Variants in LRRTM3 observed in about 807,000 individuals in gnomAD.
LRRTM3 encodes leucine-rich repeat transmembrane neuronal protein 3.
A neutral mutation model predicts 44.7 loss-of-function variants in LRRTM3; 24 were observed. The observed-to-expected ratio is 0.54, with a 90% CI of 0.39 to 0.76. LRRTM3 has a LOEUF of 0.76. Ranked by LOEUF, LRRTM3 falls within the 30% of genes least tolerant of loss-of-function variation. The pLI is 0.00. For missense variants in LRRTM3, 587 were observed against 702.2 expected (o/e 0.84, Z 1.85); for synonymous variants, 277 against 278.7 (o/e 0.99, Z 0.06).
chr10:67,013,138 G>A (rs1852445077), intron 2 of LRRTM3: 1 of 152,088 alleles, frequency 6.6e-6, no homozygotes, highest in African/African-American at 2.4e-5. Context: ...AAGGCTCAGA[G>A]AAGTTAGGTG....
In LRRTM3 at chr10:66,927,116, C is replaced by T. The variant is rs1257766199; in HGVS notation, c.200C>T (p.Ser67Phe). Reference protein sequence around the residue: ...SSISAGCLGLSLRYNSLQKLK... With the variant: ...SSISAGCLGLFLRYNSLQKLK... ...ATATCTGCTGGTTGCTTAGGTTTGT[C>T]CCTTCGCTATAACAGCCTTCAAAAA... The change falls in exon 2 of 3, where the codon TCC becomes TTC. Residue 67 changes from serine (S) to phenylalanine (F), a missense_variant. By Grantham distance (155) the Ser-to-Phe change is radical. This residue lies in a region of LRRTM3 where 222 missense variants were observed against 323.3 expected (regional missense o/e 0.69). Coordinates refer to ENST00000361320, the MANE Select transcript of LRRTM3 (RefSeq NM_178011.5). This position sits in a 1 kb window ranked among gnomAD's most constrained non-coding sequence, Gnocchi z 4.7. 6.2e-7 allele frequency: 1 copy of T among 1,614,140 alleles called. No individual in the cohort carries two copies. The highest frequency in any genetic ancestry group is 1.1e-5 in the South Asian group (1 of 91,086).
chr10:67,052,009 C>A (rs1387788939), intron 2 of LRRTM3, among the ~76,000 whole-genome samples: 2 of 152,120 alleles, frequency 1.3e-5, no homozygotes, highest in African/African-American at 4.8e-5. Flanking sequence ...CCCACCTCAG[C>A]CTCCCAAAGT....
At chr10:67,017,958 G>C (rs912270904) in intron 2 of LRRTM3, among the ~76,000 whole-genome samples, 9 of 152,056 alleles carry the variant, frequency 5.9e-5, no homozygotes, top group Admixed American at 2.0e-4. Flanking sequence ...TTTAAGTTGA[G>C]ATGGGGTTTC....
rs531520277 is a variant in LRRTM3 at position 66,937,890 on chromosome 10, G to GT, written c.1536+9446dup. On this transcript the variant is annotated intron_variant, in intron 2 of 2. Coordinates refer to ENST00000361320, the MANE Select transcript of LRRTM3 (RefSeq NM_178011.5). ...TTAATCTTTTCCTTCCCTCTTTTCT[G>GT]TTTTTTTTCCCCCTCTCCCAGAGAC... 1.4e-4 allele frequency among the ~76,000 whole-genome samples: 21 copies of GT among 151,560 alleles called. No homozygotes were observed. In the South Asian group the frequency reaches 1.9e-3, roughly 14 times the overall value.
At chr10:66,968,932 G>T (rs1177747584) in intron 2 of LRRTM3, among the ~76,000 whole-genome samples, 2 of 151,998 alleles carry the variant, frequency 1.3e-5, no homozygotes, top group Non-Finnish European at 2.9e-5. Context: ...CAGGAGAATT[G>T]CTTGAACCCA....
At chr10:66,999,408 A>C (rs978826173) in intron 2 of LRRTM3, among the ~76,000 whole-genome samples, 3 of 152,186 alleles carry the variant, frequency 2.0e-5, no homozygotes, top group African/African-American at 7.2e-5. Flanking sequence ...ATAGGTAAGC[A>C]TCTAATAATT....
chr10:67,083,076 AG>A (rs1198814754), intron 2 of LRRTM3, among the ~76,000 whole-genome samples: 2 of 152,156 alleles, frequency 1.3e-5, no homozygotes, highest in African/African-American at 4.8e-5. Context: ...AAGTGTGATC[AG>A]GGGACCAGTG....
intron 2 of LRRTM3, among the ~76,000 whole-genome samples, chr10:67,094,395 A>G (rs1303139340): frequency 1.3e-5 from 2 of 151,870 alleles, no homozygotes; most frequent in African/African-American, 2.4e-5. Flanking sequence ...TTTTCATTCT[A>G]CATATTTTAA....
chr10:67,001,421 A>C (rs1218317087), intron 2 of LRRTM3, among the ~76,000 whole-genome samples: 2 of 152,026 alleles, frequency 1.3e-5, no homozygotes, highest in Non-Finnish European at 2.9e-5. Flanking sequence ...CCTAAAACCA[A>C]AAAGGTGAAG....
intron 2 of LRRTM3, among the ~76,000 whole-genome samples, chr10:67,092,392 C>T (rs1047533638): frequency 2.6e-5 from 4 of 151,788 alleles, no homozygotes; most frequent in African/African-American, 7.3e-5. Flanking sequence ...GAAAACATGG[C>T]CTTTTTGTTA....
At chr10:67,010,577 C>A (rs58083944) in intron 2 of LRRTM3, among the ~76,000 whole-genome samples, 2,460 of 152,274 alleles carry the variant, frequency 0.016, 81 homozygotes, top group African/African-American at 0.055. Context: ...TACAATCATC[C>A]TCTTTTAATA....
Position 66,937,910 on chromosome 10 carries a change from A to G in LRRTM3, c.1536+9458A>G, listed in dbSNP as rs1309569002. 3.3e-5 allele frequency among the ~76,000 whole-genome samples: 5 copies of G among 151,900 alleles called. No homozygotes were observed. In the East Asian group the frequency reaches 9.6e-4, roughly 29 times the overall value. On this transcript the variant is annotated intron_variant, in intron 2 of 2. Coordinates refer to ENST00000361320, the MANE Select transcript of LRRTM3 (RefSeq NM_178011.5). ...TTTCTGTTTTTTTTCCCCCTCTCCC[A>G]GAGACTGCATCACAGTCTACCTTAT... is the stretch of plus-strand genomic sequence containing the variant.
intron 2 of LRRTM3, among the ~76,000 whole-genome samples, chr10:66,973,710 A>G (rs1284680924): frequency 2.6e-5 from 4 of 151,936 alleles, no homozygotes; most frequent in Admixed American, 2.0e-4. Flanking sequence ...TGCAACCTCC[A>G]TCTCCCAGGT....
intron 2 of LRRTM3, among the ~76,000 whole-genome samples, chr10:66,978,775 AAGT>A (rs35327751): frequency 0.22 from 33,257 of 150,048 alleles, 4,135 homozygotes; most frequent in South Asian, 0.29. Context: ...ATTAAATAAA[AAGT>A]AGCATGAAAG....
At chr10:66,937,969 G>A (rs1847801318) in intron 2 of LRRTM3, among the ~76,000 whole-genome samples, 1 of 151,986 alleles carries the variant, frequency 6.6e-6, no homozygotes, top group South Asian at 2.1e-4. Flanking sequence ...ATCACGATTT[G>A]AGGAAATGGA....
At chr10:66,938,097 C>T (rs1447957725) in intron 2 of LRRTM3, among the ~76,000 whole-genome samples, 2 of 152,170 alleles carry the variant, frequency 1.3e-5, no homozygotes, top group African/African-American at 2.4e-5. Flanking sequence ...AAACAATCTA[C>T]AGTAAACATT....
intron 2 of LRRTM3, among the ~76,000 whole-genome samples, chr10:66,976,586 A>G (rs12255493): frequency 1.1e-4 from 16 of 152,162 alleles, no homozygotes; most frequent in Non-Finnish European, 4.4e-5. Flanking sequence ...GACTTCCCTA[A>G]AGAAAAATGG....
intron 2 of LRRTM3, among the ~76,000 whole-genome samples, chr10:67,021,662 T>A (rs558574678): frequency 6.6e-6 from 1 of 152,108 alleles, no homozygotes; most frequent in Non-Finnish European, 1.5e-5. Flanking sequence ...AATGTAAATA[T>A]ATATTCCGAA....
intron 2 of LRRTM3, among the ~76,000 whole-genome samples, chr10:67,019,416 C>T (rs1458598875): frequency 6.6e-6 from 1 of 152,040 alleles, no homozygotes; most frequent in African/African-American, 2.4e-5. Flanking sequence ...CAGGGTTTCT[C>T]CACATTGGTC....
Sources: allele counts gnomAD v4.1 joint callset (sites outside exome capture counted in the v4.1 genomes callset), GRCh38; gene constraint gnomAD v4.1.1; regional missense constraint gnomAD v4.1.1; non-coding constraint Gnocchi (gnomAD v3.1); transcripts MANE v1.5; gene names NCBI Gene and HGNC (gene_info 2026-07-23, HGNC 2026-07-21).